AGAP1: variants seen among roughly 807,000 people sequenced by gnomAD.
AGAP1 encodes the protein ArfGAP with GTPase domain, ankyrin repeat and PH domain 1.
AGAP1 carries 29 observed loss-of-function variants against 105.3 expected under a neutral mutation model. The observed-to-expected ratio is 0.28, with a 90% CI of 0.21 to 0.38. The LOEUF (loss-of-function observed/expected upper bound fraction) is 0.38. Among genes scored for constraint, AGAP1 ranks in the 10% least tolerant of loss-of-function variants. The pLI is 1.00. For synonymous variants in AGAP1, 509 were observed against 485.9 expected, an observed-to-expected ratio of 1.05 and a Z score of -0.63; for missense variants, 998 against 1,165.1, an observed-to-expected ratio of 0.86 and a Z score of 2.09.
chr2:235,706,874 T>C (rs1950561141), intron 1 of AGAP1, among the ~76,000 whole-genome samples: 1 of 152,174 alleles, frequency 6.6e-6, no homozygotes, highest in South Asian at 2.1e-4. Context: ...CACATTCCCA[T>C]TTTTCTGCAA....
chr2:235,552,845 G>A lies in AGAP1; in HGVS notation c.163+57996G>A, dbSNP rs1943857059. 1.3e-5 allele frequency among the ~76,000 whole-genome samples: 2 copies of A among 152,192 alleles called. No homozygotes were observed. Among genetic ancestry groups the A allele is most frequent in the South Asian group, 2.1e-4 (1 of 4,832 alleles). On this transcript the variant is annotated intron_variant, in intron 1 of 17. Transcript: ENST00000304032. This position sits in a 1 kb window ranked among gnomAD's most constrained non-coding sequence, Gnocchi z 5.9. ...GGGCCCCATCTCTCTCTGCTGAGCC[G>A]GGTTCTGACTCTGCAGAGCATTGGA...
rs1440214731 is a variant in AGAP1, at chr2:235,571,995, CACACACACT to C, written c.163+77147_163+77155del. ...ATGTATACACACACACACACACACA[CACACACACT>C]TTTTTTTTTTTTTTTTGAAGCAGCT... On this transcript the variant is annotated intron_variant, in intron 1 of 17. Coordinates refer to ENST00000304032, the MANE Select transcript of AGAP1 (RefSeq NM_001037131.3). Among the ~76,000 whole-genome samples, 1,049 of 122,928 alleles carry C rather than the reference CACACACACT, an allele frequency of 8.5e-3. 10 individuals are homozygous for C. Among genetic ancestry groups the C allele is most frequent in the African/African-American group, 0.033 (1,001 of 30,066 alleles). The allele number at this position is 122,928 out of a possible 152,430, so 80.6% of individuals were successfully genotyped here.
intron 1 of AGAP1, among the ~76,000 whole-genome samples, chr2:235,641,389 G>A (rs1431238680): frequency 7.0e-6 from 1 of 143,832 alleles, no homozygotes. Flanking sequence ...TTGTGTTAGG[G>A]TAATTTGTGA....
intron 1 of AGAP1, among the ~76,000 whole-genome samples, chr2:235,567,869 C>G (rs1944397252): frequency 6.6e-6 from 1 of 152,048 alleles, no homozygotes; most frequent in Non-Finnish European, 1.5e-5. Context: ...GGGAAGGTGA[C>G]AGTGGCCTCT....
At position 236,078,411 on chromosome 2, in the gene AGAP1, C is replaced by A. The variant is rs907560369; in HGVS notation, c.2114+29130C>A. ...TCTACAAAAGGCCTTCACAGCAATG[C>A]ATAGGTTGTGTGTGATGAAATCACT... On this transcript the variant is annotated intron_variant, in intron 16 of 17. Coordinates refer to ENST00000304032, the MANE Select transcript of AGAP1 (RefSeq NM_001037131.3). The surrounding 1 kb of genome is among the most constrained non-coding windows in gnomAD (Gnocchi z 5.3). Among the ~76,000 whole-genome samples, 1 of 152,228 alleles carries A rather than the reference C, an allele frequency of 6.6e-6. No homozygotes were observed. The highest frequency in any genetic ancestry group is 2.4e-5 in the African/African-American group (1 of 41,538).
At chr2:235,591,450 C>G (rs193056250) in intron 1 of AGAP1, among the ~76,000 whole-genome samples, 1 of 152,118 alleles carries the variant, frequency 6.6e-6, no homozygotes. Context: ...CAAAGGCGCA[C>G]GGATTTGGGT....
At chr2:235,726,168 A>C (rs1951633432) in intron 3 of AGAP1, among the ~76,000 whole-genome samples, 1 of 152,152 alleles carries the variant, frequency 6.6e-6, no homozygotes, top group Non-Finnish European at 1.5e-5. Flanking sequence ...TGAATAAGTA[A>C]CTGTGATGCA....
At position 235,728,885 on chromosome 2, in the gene AGAP1, G is replaced by A. The variant is rs1288008164; in HGVS notation, c.310+11241G>A. On this transcript the variant is annotated intron_variant, in intron 3 of 17. Transcript: ENST00000304032. This position sits in a 1 kb window ranked among gnomAD's most constrained non-coding sequence, Gnocchi z 4.3. Reference sequence around the variant, plus strand: ...AGGTTGGATGAAGAAGGGAGGTTTGGAGCCTGGACGAGAGCAGGGGTTGTG... The same window carrying A: ...AGGTTGGATGAAGAAGGGAGGTTTGAAGCCTGGACGAGAGCAGGGGTTGTG... Among the ~76,000 whole-genome samples, 2 of 152,148 alleles carry A rather than the reference G, an allele frequency of 1.3e-5. No homozygotes were observed. The highest frequency in any genetic ancestry group is 3.9e-4 in the East Asian group (2 of 5,160).
At chr2:235,541,929 T>G (rs1019959933) in intron 1 of AGAP1, among the ~76,000 whole-genome samples, 1 of 152,194 alleles carries the variant, frequency 6.6e-6, no homozygotes, top group Non-Finnish European at 1.5e-5. Flanking sequence ...CTGTATAATA[T>G]TCTACTTAAT....
Position 236,073,381 on chromosome 2 carries a change from C to T in AGAP1, c.2114+24100C>T, listed in dbSNP as rs1014424967. ...CCATTAGGACTAGCCACGTTTCAAG[C>T]ATCTGATGGCCACATGTGGCCCATG... On this transcript the variant is annotated intron_variant, in intron 16 of 17. Transcript: ENST00000304032. This position sits in a 1 kb window ranked among gnomAD's most constrained non-coding sequence, Gnocchi z 5.4. 6.6e-6 allele frequency among the ~76,000 whole-genome samples: 1 copy of T among 152,168 alleles called. No homozygotes were observed. The highest frequency in any genetic ancestry group is 1.5e-5 in the Non-Finnish European group (1 of 68,030).
chr2:236,002,543 C>T lies in AGAP1; in HGVS notation c.1645+33920C>T, dbSNP rs2056167462. On this transcript the variant is annotated intron_variant, in intron 13 of 17. Coordinates refer to ENST00000304032, the MANE Select transcript of AGAP1 (RefSeq NM_001037131.3). This position sits in a 1 kb window ranked among gnomAD's most constrained non-coding sequence, Gnocchi z 4.3. ...GTTGCTCCCTCTCATGAGGGGGTCA[C>T]TGGCTGCCCTTATAGAAGGCCTTGG... is the stretch of plus-strand genomic sequence containing the variant. Among the ~76,000 whole-genome samples, 1 of 152,186 alleles carries T rather than the reference C, an allele frequency of 6.6e-6. No individual in the cohort carries two copies. Among genetic ancestry groups the T allele is most frequent in the African/African-American group, 2.4e-5 (1 of 41,440 alleles).
chr2:235,900,578 A>G lies in AGAP1; in HGVS notation c.1156-8160A>G, dbSNP rs552499206. 3.3e-5 allele frequency among the ~76,000 whole-genome samples: 5 copies of G among 152,048 alleles called. No individual in the cohort carries two copies. In the East Asian group the frequency reaches 9.7e-4, roughly 30 times the overall value. On this transcript the variant is annotated intron_variant, in intron 10 of 17. Coordinates refer to ENST00000304032, the MANE Select transcript of AGAP1 (RefSeq NM_001037131.3). The surrounding 1 kb of genome is among the most constrained non-coding windows in gnomAD (Gnocchi z 5.5). ...GGCAATGGGAAAAACAATACCATATATTGGACACTGATTCAGAGCATACAC... is the reference window on the plus strand; with the variant it reads ...GGCAATGGGAAAAACAATACCATATGTTGGACACTGATTCAGAGCATACAC...
chr2:235,759,581 G>C, intron 6 of AGAP1, among the ~76,000 whole-genome samples: 1 of 152,246 alleles, frequency 6.6e-6, no homozygotes, highest in East Asian at 1.9e-4. Context: ...TGGGAGAGGT[G>C]CAGACCTGCT....
rs2050433662 is a variant in AGAP1, at chr2:235,889,597, T to C, written c.1155+6148T>C. The stretch of plus-strand genomic sequence containing the variant: ...CCCCAAGCTCAGTCCTTACATAGAT[T>C]GTTTAGGAGACCAGTAATCCCTAGT... On this transcript the variant is annotated intron_variant, in intron 10 of 17. Coordinates refer to ENST00000304032, the MANE Select transcript of AGAP1 (RefSeq NM_001037131.3). The surrounding 1 kb of genome is among the most constrained non-coding windows in gnomAD (Gnocchi z 4.6). 6.6e-6 allele frequency among the ~76,000 whole-genome samples: 1 copy of C among 151,864 alleles called. No individual in the cohort carries two copies. Among genetic ancestry groups the C allele is most frequent in the African/African-American group, 2.4e-5 (1 of 41,404 alleles).
chr2:235,819,100 T>C (rs1056344878), intron 9 of AGAP1, among the ~76,000 whole-genome samples: 3 of 147,482 alleles, frequency 2.0e-5, no homozygotes, highest in African/African-American at 7.4e-5. Context: ...GAAATTGTAT[T>C]TCTTTTCTTT....
rs1320541445 is a variant in AGAP1, at chr2:236,120,744, T to C, written c.2370+297T>C. 6.6e-6 allele frequency among the ~76,000 whole-genome samples: 1 copy of C among 152,130 alleles called. No homozygotes were observed. The highest frequency in any genetic ancestry group is 6.5e-5 in the Admixed American group (1 of 15,284). On this transcript the variant is annotated intron_variant, in intron 17 of 17. Coordinates refer to ENST00000304032, the MANE Select transcript of AGAP1 (RefSeq NM_001037131.3). This position sits in a 1 kb window ranked among gnomAD's most constrained non-coding sequence, Gnocchi z 6.0. ...CCATCATCTTCTGGAGAGAAGGCGGTGTATTAACGGGATGGCTTGTAGGGT... is the reference window on the plus strand; with the variant it reads ...CCATCATCTTCTGGAGAGAAGGCGGCGTATTAACGGGATGGCTTGTAGGGT...
At position 236,040,941 on chromosome 2, in the gene AGAP1, G is replaced by C; in HGVS notation, c.1891+100G>C. The C allele has an allele frequency of 8.2e-7, 1 of 1,213,804 alleles. No homozygotes were observed. Among genetic ancestry groups the C allele is most frequent in the Non-Finnish European group, 1.2e-6 (1 of 844,224 alleles). 75.2% of individuals were successfully genotyped at this position (1,213,804 alleles called of 1,614,324 possible). ...CAGGGGACTCACATCTGTCCTGTTTGGCAGATAAGAGTTAACTGCTTTTAG... is the reference window on the plus strand; with the variant it reads ...CAGGGGACTCACATCTGTCCTGTTTCGCAGATAAGAGTTAACTGCTTTTAG... On this transcript the variant is annotated intron_variant, in intron 15 of 17. Transcript: ENST00000304032. The surrounding 1 kb of genome is among the most constrained non-coding windows in gnomAD (Gnocchi z 5.6).
chr2:236,005,507 A>C lies in AGAP1; in HGVS notation c.1646-31054A>C, dbSNP rs1024293185. ...TCTTAGAGTTCATGAGTCAATATTG[A>C]TATGTTTTTATTAAAGTCCACACTT... On this transcript the variant is annotated intron_variant, in intron 13 of 17. Transcript: ENST00000304032. This position sits in a 1 kb window ranked among gnomAD's most constrained non-coding sequence, Gnocchi z 4.1. Among the ~76,000 whole-genome samples, 2 of 151,932 alleles carry C rather than the reference A, an allele frequency of 1.3e-5. No individual in the cohort carries two copies. Among genetic ancestry groups the C allele is most frequent in the African/African-American group, 4.8e-5 (2 of 41,334 alleles).
rs2091490 is a variant in AGAP1 at position 235,690,379 on chromosome 2, C to T, written c.164-18800C>T. Among the ~76,000 whole-genome samples the T allele has an allele frequency of 6.6e-6, 1 of 152,064 alleles. No homozygotes were observed. Among genetic ancestry groups the T allele is most frequent in the African/African-American group, 2.4e-5 (1 of 41,392 alleles). On this transcript the variant is annotated intron_variant, in intron 1 of 17. Coordinates refer to ENST00000304032, the MANE Select transcript of AGAP1 (RefSeq NM_001037131.3). This position sits in a 1 kb window ranked among gnomAD's most constrained non-coding sequence, Gnocchi z 4.1. ...GGCAGGTGCAGGAGGGAGCCTGGCT[C>T]TTCAGGTTAAATTGTGTTTCAAAGG...
Sources: gnomAD v4.1 joint callset for allele counts (sites outside exome capture counted in the v4.1 genomes callset) on GRCh38, gnomAD v4.1.1 for gene constraint, Gnocchi (gnomAD v3.1) non-coding constraint, MANE v1.5 for transcripts, NCBI Gene and HGNC (gene_info 2026-07-23, HGNC 2026-07-21) for gene names.